Variants in ARHGAP30 observed in about 807,000 individuals in gnomAD.
ARHGAP30 encodes rho GTPase-activating protein 30.
ARHGAP30 carries 23 observed loss-of-function variants against 72.0 expected under a neutral mutation model. The observed-to-expected ratio is 0.32, with a 90% CI of 0.23 to 0.45. ARHGAP30 has a LOEUF of 0.45. Ranked by LOEUF, ARHGAP30 falls within the 20% of genes least tolerant of loss-of-function variation. ARHGAP30 has a pLI of 1.00. For missense variants in ARHGAP30, 1,319 were observed against 1,383.4 expected, an observed-to-expected ratio of 0.95 and a Z score of 0.74; for synonymous variants, 576 against 528.2, an observed-to-expected ratio of 1.09 and a Z score of -1.24.
At chr1:161,056,670 A>G (rs1384082779) in intron 2 of ARHGAP30, 138 bp from the exon 3 acceptor site, 19 of 906,230 alleles carry the variant, frequency 2.1e-5, no homozygotes, top group Admixed American at 1.4e-4. Context: ...GGACACGTAC[A>G]CATGTAAGCC....
Position 161,047,532 on chromosome 1 carries a change from G to C in ARHGAP30, c.*183C>G. 2.1e-6 allele frequency: 1 copy of C among 482,900 alleles called. No individual in the cohort carries two copies. The highest frequency in any genetic ancestry group is 5.6e-4 in the Middle Eastern group (1 of 1,772). 29.9% of individuals were successfully genotyped at this position (482,900 alleles called of 1,614,324 possible). ...TCCTAAGAGATAAGTGCTTTGTGTC[G>C]GAGACAAGTTCAGGTAAACCAACCA... On this transcript the variant is annotated 3_prime_UTR_variant, in exon 12 of 12. Coordinates refer to ENST00000368013, the MANE Select transcript of ARHGAP30 (RefSeq NM_001025598.2).
At chr1:161,056,355 C>A in intron 3 of ARHGAP30, 33 bp downstream of exon 3, 1 of 1,608,452 alleles carries the variant, frequency 6.2e-7, no homozygotes, top group South Asian at 1.1e-5. Context: ...CACCCCTGAG[C>A]CCTGTCTTCC....
chr1:161,053,730 T>C (rs1044447506), intron 5 of ARHGAP30, among the ~76,000 whole-genome samples: 2 of 152,112 alleles, frequency 1.3e-5, no homozygotes, highest in African/African-American at 2.4e-5. Flanking sequence ...ATATGCACAG[T>C]GAGCACAGCC....
intron 3 of ARHGAP30, among the ~76,000 whole-genome samples, chr1:161,055,279 C>T (rs905152927): frequency 6.6e-6 from 1 of 152,084 alleles, no homozygotes; most frequent in African/African-American, 2.4e-5. Context: ...ATTTCTTAAG[C>T]TTAGGAGCTT....
At chr1:161,064,811 GAAAGAAAGAAAGAAAGAAA>G (rs1557935171) in intron 1 of ARHGAP30, among the ~76,000 whole-genome samples, 6 of 65,154 alleles carry the variant, frequency 9.2e-5, no homozygotes, top group Admixed American at 4.7e-4. Context: ...AAGAAAGAAA[GAAAGAAAGAAAGAAAGAAA>G]GAGAAAGAAA....
chr1:161,052,216 A>C, intron 9 of ARHGAP30, 70 bp downstream of exon 9: 3 of 1,539,928 alleles, frequency 1.9e-6, no homozygotes, highest in East Asian at 4.5e-5. Context: ...AGTTGGCTGC[A>C]TGTACACACA....
chr1:161,062,891 C>G (rs1652425659), intron 1 of ARHGAP30, among the ~76,000 whole-genome samples: 1 of 151,824 alleles, frequency 6.6e-6, no homozygotes, highest in South Asian at 2.1e-4. Context: ...CTCGGCTCAC[C>G]ACAACCTCCG....
At chr1:161,065,233 C>T (rs1443757729) in intron 1 of ARHGAP30, among the ~76,000 whole-genome samples, 1 of 152,138 alleles carries the variant, frequency 6.6e-6, no homozygotes, top group African/African-American at 2.4e-5. Flanking sequence ...GCCTCGGCCT[C>T]CTAAAGTGCT....
At position 161,048,204 on chromosome 1, in the gene ARHGAP30, C is replaced by T; in HGVS notation, c.2817G>A (p.Val939=). 1.2e-6 allele frequency: 2 copies of T among 1,614,184 alleles called. No homozygotes were observed. Among genetic ancestry groups the T allele is most frequent in the Non-Finnish European group, 1.7e-6 (2 of 1,180,038 alleles). Residue 939 remains valine, a synonymous_variant, in exon 12 of 12, where the codon GTG becomes GTA. Coordinates refer to ENST00000368013, the MANE Select transcript of ARHGAP30 (RefSeq NM_001025598.2). ...VQVQQVRSVP[V]VPPKPQFAKM... ...TGGCAAACTGTGGCTTGGGGGGCAC[C>T]ACAGGCACAGAGCGGACCTGTTGGA... is the stretch of plus-strand genomic sequence containing the variant.
At chr1:161,064,405 C>A (rs914951558) in intron 1 of ARHGAP30, among the ~76,000 whole-genome samples, 1 of 152,170 alleles carries the variant, frequency 6.6e-6, no homozygotes, top group African/African-American at 2.4e-5. Context: ...TTGCCAGTGA[C>A]AGAATACTGG....
In ARHGAP30 at chr1:161,053,248, G is replaced by A. The variant is rs1444146419; in HGVS notation, c.664+10C>T. On this transcript the variant is annotated intron_variant, in intron 6 of 11. Coordinates refer to ENST00000368013, the MANE Select transcript of ARHGAP30 (RefSeq NM_001025598.2). The stretch of plus-strand genomic sequence containing the variant: ...CAGTGGGATATGTGGAGGGCAGGAA[G>A]GACACTGACCAGAGAGGGCAGCACC... The A allele has an allele frequency of 3.1e-6, 5 of 1,613,770 alleles. No homozygotes were observed. The highest frequency in any genetic ancestry group is 4.2e-6 in the Non-Finnish European group (5 of 1,179,950).
chr1:161,047,594 G>T lies in ARHGAP30; in HGVS notation c.*121C>A. ...CCCACAGTCAAAGAGAGAAGCTGGAGGGCCAAAGCCTATAGAGTTGGGCAC... is the reference window on the plus strand; with the variant it reads ...CCCACAGTCAAAGAGAGAAGCTGGATGGCCAAAGCCTATAGAGTTGGGCAC... On this transcript the variant is annotated 3_prime_UTR_variant, in exon 12 of 12. Coordinates refer to ENST00000368013, the MANE Select transcript of ARHGAP30 (RefSeq NM_001025598.2). The T allele has an allele frequency of 9.1e-7, 1 of 1,100,808 alleles. No homozygotes were observed. Among genetic ancestry groups the T allele is most frequent in the Non-Finnish European group, 1.2e-6 (1 of 812,388 alleles). The allele number at this position is 1,100,808 out of a possible 1,614,324, so 68.2% of individuals were successfully genotyped here.
In ARHGAP30 at chr1:161,069,668, A is replaced by G; in HGVS notation, c.-44T>C. The G allele has an allele frequency of 6.3e-7, 1 of 1,586,536 alleles. No homozygotes were observed. Among genetic ancestry groups the G allele is most frequent in the Non-Finnish European group, 8.6e-7 (1 of 1,164,948 alleles). The stretch of plus-strand genomic sequence containing the variant: ...CTGGCCCGGTCACCTCTATCCCCCA[A>G]GACCTGTGCCCTACCAGTCCCCCAT... On this transcript the variant is annotated 5_prime_UTR_variant, in exon 1 of 12. Transcript: ENST00000368013. The surrounding 1 kb of genome is among the most constrained non-coding windows in gnomAD (Gnocchi z 4.9).
In ARHGAP30 at chr1:161,069,858, T is replaced by A; in HGVS notation, c.-234A>T. 1.8e-6 allele frequency: 1 copy of A among 566,174 alleles called. No individual in the cohort carries two copies. The highest frequency in any genetic ancestry group is 3.2e-6 in the Non-Finnish European group (1 of 314,700). The allele number at this position is 566,174 out of a possible 1,614,324, so 35.1% of individuals were successfully genotyped here. A position where few individuals can be genotyped will look rare whatever the true frequency, so the allele number is the denominator to read the frequency against. On this transcript the variant is annotated 5_prime_UTR_variant, in exon 1 of 12. Coordinates refer to ENST00000368013, the MANE Select transcript of ARHGAP30 (RefSeq NM_001025598.2). This position sits in a 1 kb window ranked among gnomAD's most constrained non-coding sequence, Gnocchi z 4.9. ...AGCTACCAGGACCCTGGCAAGAAAT[T>A]GTGTCCTGTGTCTCGTGGCCCAGCC...
intron 6 of ARHGAP30, chr1:161,053,002 G>T (rs952811067): frequency 2.3e-6 from 2 of 870,264 alleles, no homozygotes; most frequent in East Asian, 2.7e-5. Flanking sequence ...GGCCTGGTGG[G>T]CTGGGGGTGG....
At chr1:161,064,996 CT>C (rs1557935780) in intron 1 of ARHGAP30, among the ~76,000 whole-genome samples, 1 of 152,020 alleles carries the variant, frequency 6.6e-6, no homozygotes, top group African/African-American at 2.4e-5. Context: ...AACCATCTAA[CT>C]TTTTTTCCTT....
chr1:161,053,208 A>C (rs375055307), intron 6 of ARHGAP30, 50 bp downstream of exon 6: 1 of 1,607,006 alleles, frequency 6.2e-7, no homozygotes, highest in Non-Finnish European at 8.5e-7. Flanking sequence ...CTCTGTAACT[A>C]ACTTGACTCC....
At position 161,052,593 on chromosome 1, in the gene ARHGAP30, G is replaced by A. The variant is rs913804985; in HGVS notation, c.836+33C>T. The A allele has an allele frequency of 3.7e-6, 6 of 1,613,856 alleles. No homozygotes were observed. The African/African-American group carries it at 6.7e-5, about 18-fold the overall frequency. On this transcript the variant is annotated intron_variant, in intron 7 of 11. Transcript: ENST00000368013. ...TGGAGGTTGGAACATGAAGGTCGGT[G>A]CAGGGGAGGAAGGCCCAGGAAGGAG...
chr1:161,056,567 G>T lies in ARHGAP30; in HGVS notation c.201-35C>A, dbSNP rs200894018. 3.5e-3 allele frequency: 5,531 copies of T among 1,598,682 alleles called. 15 individuals are homozygous for T. Among genetic ancestry groups the T allele is most frequent in the Non-Finnish European group, 4.1e-3 (4,792 of 1,173,932 alleles). On this transcript the variant is annotated intron_variant, in intron 2 of 11. Transcript: ENST00000368013. ...CGCGGTGTGGTCAGGAGTGGTAGGG[G>T]TTGGGGTGATGTGGGGAGAGGTGGG...
Sources: allele counts gnomAD v4.1 joint callset (sites outside exome capture counted in the v4.1 genomes callset), GRCh38; gene constraint gnomAD v4.1.1; non-coding constraint Gnocchi (gnomAD v3.1); transcripts MANE v1.5; gene names NCBI Gene and HGNC (gene_info 2026-07-23, HGNC 2026-07-21).